The following CDON variants were observed in gnomAD, a reference collection of about 807,000 sequenced individuals.
The protein encoded by CDON is cell adhesion associated, oncogene regulated, also known as cell adhesion molecule-related/down-regulated by oncogenes.
CDON carries 73 observed loss-of-function variants against 120.9 expected under a neutral mutation model. The observed-to-expected ratio is 0.60, with a 90% CI of 0.50 to 0.73. The LOEUF (loss-of-function observed/expected upper bound fraction) is 0.73. Among genes scored for constraint, CDON ranks in the 30% least tolerant of loss-of-function variants. CDON has a pLI of 0.00. For synonymous variants in CDON, 566 were observed against 573.5 expected (o/e 0.99, Z 0.19); for missense variants, 1,470 against 1,587.3 (o/e 0.93, Z 1.26).
intron 18 of CDON, among the ~76,000 whole-genome samples, chr11:125,966,056 G>C (rs1479737877): frequency 6.6e-6 from 1 of 151,748 alleles, no homozygotes; most frequent in Non-Finnish European, 1.5e-5. Flanking sequence ...AGAACCGCTT[G>C]AACCCGAGAG....
At position 126,029,894 on chromosome 11, in the gene CDON, A is replaced by G. The variant is rs561008906; in HGVS notation, c.-61-6357T>C. On this transcript the variant is annotated intron_variant, in intron 1 of 19. Coordinates refer to ENST00000531738, the MANE Select transcript of CDON (RefSeq NM_001378964.1). Reference sequence around the variant, plus strand: ...AAGATTGTAGAACATGCACACACACAAACACACAAAATGCAGCTAAGTGTA... The same window carrying G: ...AAGATTGTAGAACATGCACACACACGAACACACAAAATGCAGCTAAGTGTA... 1.1e-3 allele frequency among the ~76,000 whole-genome samples: 160 copies of G among 152,292 alleles called. 1 individual carries two copies. Among genetic ancestry groups the G allele is most frequent in the Admixed American group, 0.01 (160 of 15,300 alleles).
intron 18 of CDON, among the ~76,000 whole-genome samples, chr11:125,975,063 A>G (rs888699655): frequency 1.3e-5 from 2 of 151,996 alleles, no homozygotes; most frequent in African/African-American, 4.8e-5. Context: ...CAGCCTGAGC[A>G]TATCTCTGAA....
Position 126,015,226 on chromosome 11 carries a change from G to A in CDON, c.1198+15C>T, listed in dbSNP as rs371220251. 60 of 1,612,744 alleles carry A rather than the reference G, an allele frequency of 3.7e-5. No individual in the cohort carries two copies. Among genetic ancestry groups the A allele is most frequent in the Middle Eastern group, 1.7e-4 (1 of 6,052 alleles). On this transcript the variant is annotated intron_variant, in intron 7 of 19. Coordinates refer to ENST00000531738, the MANE Select transcript of CDON (RefSeq NM_001378964.1). ...AAATAAAAGTTCTTATGACTGGCACGACCTAAAAGCCTACCATTTTCAATT... is the reference window on the plus strand; with the variant it reads ...AAATAAAAGTTCTTATGACTGGCACAACCTAAAAGCCTACCATTTTCAATT...
Position 125,961,726 on chromosome 11 carries a change from C to A in CDON, c.3629G>T (p.Arg1210Ile). The A allele has an allele frequency of 6.2e-7, 1 of 1,614,172 alleles. No individual in the cohort carries two copies. Among genetic ancestry groups the A allele is most frequent in the Non-Finnish European group, 8.5e-7 (1 of 1,180,012 alleles). ...AAGGTTGATCATGCCTTCCTGACCT[C>A]TGCTGAACTCTGCTGGATCTTCTGA... is the stretch of plus-strand genomic sequence containing the variant. Reference protein sequence around the residue: ...DGSEDPAEFSRGDSCAHSETE... With the variant: ...DGSEDPAEFSIGDSCAHSETE... The change falls in exon 19 of 20, where the codon AGA becomes ATA. Residue 1210 changes from arginine (R) to isoleucine (I), a missense_variant and splice_region_variant. Arg to Ile is a moderately conservative substitution (Grantham distance 97). Coordinates refer to ENST00000531738, the MANE Select transcript of CDON (RefSeq NM_001378964.1).
chr11:125,994,120 T>C (rs765814258), intron 14 of CDON, among the ~76,000 whole-genome samples, 164 bp downstream of exon 14: 25 of 152,236 alleles, frequency 1.6e-4, no homozygotes, highest in Non-Finnish European at 2.1e-4. Flanking sequence ...GTGCTGCATA[T>C]ATTAAGCGGG....
rs202141551 is a variant in CDON, at chr11:126,010,666, C to A, written c.1227G>T (p.Thr409=). Residue 409 remains threonine, a synonymous_variant, in exon 8 of 20, where the codon ACG becomes ACT. Transcript: ENST00000531738. Reference sequence around the variant, plus strand: ...CTGCAACCTTTGCACTTACTGGTGCCGTAATTATAACTGGCTTGAATCCAC... The same window carrying A: ...CTGCAACCTTTGCACTTACTGGTGCAGTAATTATAACTGGCTTGAATCCAC... ...NDGGFKPVII[T]APVSAKVADG... 5.0e-6 allele frequency: 8 copies of A among 1,613,890 alleles called. No homozygotes were observed. The highest frequency in any genetic ancestry group is 1.3e-5 in the African/African-American group (1 of 75,008).
chr11:126,018,570 A>G (rs1947538737), intron 4 of CDON, 97 bp from the exon 5 acceptor site: 4 of 1,069,202 alleles, frequency 3.7e-6, no homozygotes, highest in Admixed American at 1.8e-5. Flanking sequence ...GCTCTATTCC[A>G]TCTTATTTTA....
chr11:125,998,452 A>G (rs933461572), intron 11 of CDON, among the ~76,000 whole-genome samples: 1 of 151,932 alleles, frequency 6.6e-6, no homozygotes, highest in Non-Finnish European at 1.5e-5. Context: ...TTCCTTTCCC[A>G]CCATGTGATG....
At position 126,006,121 on chromosome 11, in the gene CDON, T is replaced by C. The variant is rs1591377816; in HGVS notation, c.1553-64A>G. 4.7e-6 allele frequency: 7 copies of C among 1,500,336 alleles called. No homozygotes were observed. The East Asian group carries it at 1.4e-4, about 29-fold the overall frequency. The allele number at this position is 1,500,336 out of a possible 1,614,324, so 92.9% of individuals were successfully genotyped here. ...CTCATTTCATTGTCTTCTACCCAGT[T>C]TGTGACGTGACTGCCCTCACTTGTA... On this transcript the variant is annotated intron_variant, in intron 8 of 19. Coordinates refer to ENST00000531738, the MANE Select transcript of CDON (RefSeq NM_001378964.1).
chr11:126,059,051 G>A (rs1948737755), intron 1 of CDON, among the ~76,000 whole-genome samples: 1 of 152,100 alleles, frequency 6.6e-6, no homozygotes, highest in Non-Finnish European at 1.5e-5. Context: ...TCTATCAATA[G>A]TAAACTAAAA....
At chr11:126,032,142 C>T (rs1947961040) in intron 1 of CDON, among the ~76,000 whole-genome samples, 1 of 152,056 alleles carries the variant, frequency 6.6e-6, no homozygotes, top group Non-Finnish European at 1.5e-5. Flanking sequence ...AAAGCAGTTA[C>T]ATGAGAAAGG....
intron 1 of CDON, among the ~76,000 whole-genome samples, 167 bp downstream of exon 1, chr11:126,062,412 G>A (rs967443855): frequency 6.6e-6 from 1 of 151,950 alleles, no homozygotes; most frequent in Admixed American, 6.5e-5. Context: ...CGCCGGGCAA[G>A]CATCAGCATC....
intron 1 of CDON, among the ~76,000 whole-genome samples, chr11:126,055,277 A>G (rs889745691): frequency 2.0e-5 from 3 of 152,154 alleles, no homozygotes; most frequent in African/African-American, 7.2e-5. Flanking sequence ...ATGGAGGGGT[A>G]AGGTAATGGT....
intron 7 of CDON, among the ~76,000 whole-genome samples, chr11:126,013,260 C>T (rs1019262182): frequency 3.5e-4 from 54 of 152,268 alleles, no homozygotes; most frequent in African/African-American, 1.3e-3. Flanking sequence ...ATATTTACAC[C>T]TATGTTCATA....
At chr11:126,019,076 G>A (rs1947553488) in intron 4 of CDON, among the ~76,000 whole-genome samples, 1 of 152,118 alleles carries the variant, frequency 6.6e-6, no homozygotes, top group African/African-American at 2.4e-5. Context: ...CTACAGCACT[G>A]GTCACATGGT....
intron 13 of CDON, 71 bp downstream of exon 13, chr11:125,994,800 T>C: frequency 7.5e-7 from 1 of 1,337,912 alleles, no homozygotes. Flanking sequence ...CTGTATTGTG[T>C]CATGAGAATA....
intron 2 of CDON, among the ~76,000 whole-genome samples, chr11:126,022,101 C>CAAAAAA (rs56788784): frequency 1.1e-3 from 62 of 56,454 alleles, no homozygotes; most frequent in African/African-American, 1.5e-3. Context: ...GACCCTGCTT[C>CAAAAAA]AAAAAAAAAA....
chr11:125,994,337 T>G lies in CDON; in HGVS notation c.2597A>C (p.Tyr866Ser), dbSNP rs773356583. The stretch of plus-strand genomic sequence containing the variant: ...GTCATTGTCACTATCTGTTGGTCGG[T>G]AATAGATATAAAATCCTTGAATGGG... ...NTPIQGFYIY[Y>S]RPTDSDNDSD... The change falls in exon 14 of 20, where the codon TAC (tyrosine) becomes TCC (serine). Residue 866 changes from tyrosine (Y) to serine (S), a missense_variant. By Grantham distance (144) the Tyr-to-Ser change is moderately radical. Transcript: ENST00000531738. The G allele has an allele frequency of 6.2e-7, 1 of 1,603,512 alleles. No homozygotes were observed. Among genetic ancestry groups the G allele is most frequent in the Non-Finnish European group, 8.5e-7 (1 of 1,170,412 alleles).
At chr11:125,988,451 C>T (rs1946529738) in intron 15 of CDON, among the ~76,000 whole-genome samples, 1 of 152,174 alleles carries the variant, frequency 6.6e-6, no homozygotes, top group Non-Finnish European at 1.5e-5. Flanking sequence ...TCTTGGCTCA[C>T]TGCAACCTCT....
Sources: allele counts gnomAD v4.1 joint callset (sites outside exome capture counted in the v4.1 genomes callset), GRCh38; gene constraint gnomAD v4.1.1; transcripts MANE v1.5; gene names NCBI Gene and HGNC (gene_info 2026-07-23, HGNC 2026-07-21).